The following MTR variants were observed in gnomAD, a reference collection of about 807,000 sequenced individuals.
The protein encoded by MTR is 5-methyltetrahydrofolate-homocysteine methyltransferase, also known as methionine synthase.
Under a neutral mutation model 154.8 loss-of-function variants are expected in MTR, and 84 were observed. That is an observed-to-expected ratio of 0.54 (90% CI 0.45 to 0.65). MTR has a LOEUF of 0.65. Ranked by LOEUF, MTR falls within the 30% of genes least tolerant of loss-of-function variation. The pLI is 0.00. For missense variants in MTR, 1,275 were observed against 1,570.2 expected, an observed-to-expected ratio of 0.81 and a Z score of 3.18; for synonymous variants, 554 against 553.9, an observed-to-expected ratio of 1.00 and a Z score of 0.00.
chr1:236,857,428 G>C (rs1466495967), intron 18 of MTR, among the ~76,000 whole-genome samples: 3 of 152,184 alleles, frequency 2.0e-5, no homozygotes, highest in South Asian at 4.1e-4. Context: ...TTAATCTGCA[G>C]CTTTAGAACT....
intron 7 of MTR, 148 bp downstream of exon 7, chr1:236,815,811 A>G: frequency 1.3e-6 from 1 of 773,548 alleles, no homozygotes. Flanking sequence ...CCCTTCCACC[A>G]CTTCTGGACC....
chr1:236,832,817 T>TTCATGGACAGGACCATTTATC, intron 13 of MTR, among the ~76,000 whole-genome samples: 1 of 151,906 alleles, frequency 6.6e-6, no homozygotes, highest in South Asian at 2.1e-4. Flanking sequence ...GACCATTTAT[T>TTCATGGACAGGACCATTTATC]CCCCTTCATG....
rs1666188162 is a variant in MTR at position 236,889,259 on chromosome 1, C to T, written c.2930C>T (p.Pro977Leu). The change falls in exon 28 of 33, where the codon CCT (proline) becomes CTT (leucine). Residue 977 changes from proline (P) to leucine (L), a missense_variant. Coordinates refer to ENST00000366577, the MANE Select transcript of MTR (RefSeq NM_000254.3). The part of the protein sequence containing the change: ...QKLVDYIDWK[P>L]FFDVWQLRGK... The stretch of plus-strand genomic sequence containing the variant: ...CTGGTGGACTACATTGACTGGAAGC[C>T]TTTCTTTGATGTCTGGCAGCTCCGG... The T allele has an allele frequency of 1.2e-6, 2 of 1,614,084 alleles. No homozygotes were observed. Among genetic ancestry groups the T allele is most frequent in the Non-Finnish European group, 1.7e-6 (2 of 1,180,040 alleles).
At chr1:236,822,588 G>A (rs1192637799) in intron 8 of MTR, among the ~76,000 whole-genome samples, 3 of 152,100 alleles carry the variant, frequency 2.0e-5, no homozygotes, top group Non-Finnish European at 4.4e-5. Context: ...GAGATTACAG[G>A]CATGAGCCAC....
chr1:236,865,798 A>G (rs906638858), intron 22 of MTR, among the ~76,000 whole-genome samples: 3 of 150,524 alleles, frequency 2.0e-5, no homozygotes, highest in Admixed American at 2.0e-4. Context: ...TTTCTTTGTC[A>G]CCTTTTTGTT....
At position 236,897,596 on chromosome 1, in the gene MTR, T is replaced by C. The variant is rs758714825; in HGVS notation, c.3750T>C (p.Ala1250=). The change falls in exon 33 of 33, where the codon GCT becomes GCC. Residue 1250 remains alanine (A), a synonymous_variant. Transcript: ENST00000366577. ...CATTGAGGAAGAACATATCTGTGGC[T>C]GAGGTTGAGAAATGGCTTGGACCCA... ...DYALRKNISV[A]EVEKWLGPIL... The C allele has an allele frequency of 6.8e-6, 11 of 1,613,984 alleles. No individual in the cohort carries two copies. In the South Asian group the frequency reaches 9.9e-5, roughly 14 times the overall value.
In MTR at chr1:236,891,212, G is replaced by T; in HGVS notation, c.3087G>T (p.Arg1029=). ...TLISQKKLRA[R]GVVGFWPAQS... ...TTAGTCAAAAGAAACTCCGGGCCCG[G>T]GGTGTGGTTGGGTTCTGGCCAGCAC... Residue 1029 remains arginine, a synonymous_variant, in exon 29 of 33, where the codon CGG becomes CGT. Transcript: ENST00000366577. 1 of 1,614,168 alleles carries T rather than the reference G, an allele frequency of 6.2e-7. No individual in the cohort carries two copies. The highest frequency in any genetic ancestry group is 8.5e-7 in the Non-Finnish European group (1 of 1,180,038).
chr1:236,826,427 C>T (rs1662291060), intron 10 of MTR, among the ~76,000 whole-genome samples: 1 of 152,118 alleles, frequency 6.6e-6, no homozygotes. Flanking sequence ...TCCTGAGTAG[C>T]TGGGACTATA....
chr1:236,867,391 TA>T (rs1270024213), intron 22 of MTR, among the ~76,000 whole-genome samples: 1 of 152,202 alleles, frequency 6.6e-6, no homozygotes, highest in East Asian at 1.9e-4. Context: ...TACTGCTCAG[TA>T]AAAAAGATTC....
chr1:236,829,938 A>G (rs1445280860), intron 12 of MTR, among the ~76,000 whole-genome samples: 3 of 152,240 alleles, frequency 2.0e-5, no homozygotes, highest in Admixed American at 6.5e-5. Context: ...CAGAAAAAGT[A>G]TGATTTTTAG....
At chr1:236,888,044 G>A (rs1666117284) in intron 27 of MTR, among the ~76,000 whole-genome samples, 2 of 152,244 alleles carry the variant, frequency 1.3e-5, no homozygotes, top group Non-Finnish European at 2.9e-5. Context: ...GTAGAAGGAT[G>A]ATGAGGAACA....
chr1:236,861,097 CTTTTT>C, intron 19 of MTR, 23 bp from the exon 20 acceptor site: 20 of 1,156,410 alleles, frequency 1.7e-5, no homozygotes, highest in Admixed American at 6.0e-5. Flanking sequence ...CTTTCTTTTT[CTTTTT>C]TTTTTTTTTT....
Position 236,873,812 on chromosome 1 carries a change from A to G in MTR, c.2445A>G (p.Ile815Met). Residue 815 changes from isoleucine (I) to methionine (M), a missense_variant, in exon 23 of 33, where the codon ATA (isoleucine) becomes ATG (methionine). Physicochemically the swap from Ile to Met is conservative, Grantham distance 10 (BLOSUM62 1). Transcript: ENST00000366577. ...DLGVMTPCDK[I>M]LKAALDHKAD... is the part of the protein sequence containing the mutation. ...GAGTCATGACTCCATGTGATAAGAT[A>G]CTGAAAGCTGCTCTTGACCACAAAG... 6.2e-7 allele frequency: 1 copy of G among 1,614,180 alleles called. No individual in the cohort carries two copies. Among genetic ancestry groups the G allele is most frequent in the East Asian group, 2.2e-5 (1 of 44,882 alleles).
Position 236,859,942 on chromosome 1 carries a change from A to G in MTR, c.2043+20A>G. ...GTGAAGGTAAGTTACAGGGGCCTGA[A>G]CTGGAGGGCTGGAGGCTCATCATGG... On this transcript the variant is annotated intron_variant, in intron 19 of 32. Coordinates refer to ENST00000366577, the MANE Select transcript of MTR (RefSeq NM_000254.3). 6.2e-7 allele frequency: 1 copy of G among 1,607,260 alleles called. No individual in the cohort carries two copies.
Position 236,901,596 on chromosome 1 carries a change from G to A in MTR, c.*3952G>A, listed in dbSNP as rs1182569259. ...ACTGGTTAGCTTATAGAGAACAGAT[G>A]TTTATTTCTTACAGTTCAGGAGTCT... is the stretch of plus-strand genomic sequence containing the variant. On this transcript the variant is annotated 3_prime_UTR_variant, in exon 33 of 33. Coordinates refer to ENST00000366577, the MANE Select transcript of MTR (RefSeq NM_000254.3). 8 of 152,174 alleles carry A rather than the reference G, an allele frequency of 5.3e-5. No individual in the cohort carries two copies. The highest frequency in any genetic ancestry group is 3.9e-4 in the Admixed American group (6 of 15,286). 9.4% of individuals were successfully genotyped at this position (152,174 alleles called of 1,614,324 possible). A position where few individuals can be genotyped will look rare whatever the true frequency, so the allele number is the denominator to read the frequency against.
chr1:236,880,374 G>A (rs886848462), intron 24 of MTR, among the ~76,000 whole-genome samples: 1 of 152,074 alleles, frequency 6.6e-6, no homozygotes, highest in African/African-American at 2.4e-5. Flanking sequence ...CCTGGCTGCT[G>A]TCCCAGCTCA....
intron 24 of MTR, among the ~76,000 whole-genome samples, chr1:236,875,929 A>C (rs2147885846): frequency 6.6e-6 from 1 of 152,206 alleles, no homozygotes; most frequent in African/African-American, 2.4e-5. Context: ...AGGTAAGTTG[A>C]TTTTTTGAGT....
At chr1:236,848,667 G>A (rs1346828928) in intron 15 of MTR, among the ~76,000 whole-genome samples, 1 of 152,096 alleles carries the variant, frequency 6.6e-6, no homozygotes, top group Non-Finnish European at 1.5e-5. Context: ...GTGCAGTGAG[G>A]CCACAGAGAC....
At chr1:236,812,908 A>G in intron 6 of MTR, 64 bp downstream of exon 6, 1 of 1,194,404 alleles carries the variant, frequency 8.4e-7, no homozygotes, top group Non-Finnish European at 1.3e-6. Context: ...CCCCTAATGT[A>G]GGGAGAAGAT....
Sources: gnomAD v4.1 joint callset for allele counts (sites outside exome capture counted in the v4.1 genomes callset) on GRCh38, gnomAD v4.1.1 for gene constraint, MANE v1.5 for transcripts, NCBI Gene and HGNC (gene_info 2026-07-23, HGNC 2026-07-21) for gene names.